MARCHF1: variants seen among roughly 807,000 people sequenced by gnomAD.
MARCHF1 encodes the protein membrane associated ring-CH-type finger 1, also known as E3 ubiquitin-protein ligase MARCHF1.
A neutral mutation model predicts 54.2 loss-of-function variants in MARCHF1; 40 were observed. That is an observed-to-expected ratio of 0.74 (90% CI 0.57 to 0.96). The LOEUF is 0.96. Ranked by LOEUF, MARCHF1 falls within the 40% of genes least tolerant of loss-of-function variation. The pLI, the probability that MARCHF1 is intolerant of heterozygous loss-of-function variation, is 0.00. For synonymous variants in MARCHF1, 236 were observed against 236.3 expected, an observed-to-expected ratio of 1.00 and a Z score of 0.01; for missense variants, 586 against 656.5, an observed-to-expected ratio of 0.89 and a Z score of 1.17.
intron 1 of MARCHF1, among the ~76,000 whole-genome samples, chr4:164,174,067 T>A (rs2110985726): frequency 6.6e-6 from 1 of 152,304 alleles, no homozygotes; most frequent in African/African-American, 2.4e-5. Flanking sequence ...TAGAAAACAC[T>A]AGTCAATACT....
intron 6 of MARCHF1, 36 bp downstream of exon 6, chr4:163,613,278 A>G: frequency 6.4e-7 from 1 of 1,561,752 alleles, no homozygotes; most frequent in Non-Finnish European, 8.7e-7. Context: ...TATTGATCCA[A>G]AGAATATAGA....
intron 3 of MARCHF1, among the ~76,000 whole-genome samples, chr4:163,975,011 T>C (rs761239688): frequency 6.6e-6 from 1 of 152,112 alleles, no homozygotes; most frequent in Non-Finnish European, 1.5e-5. Flanking sequence ...TTTTTATGCC[T>C]TTAGATTAAA....
At chr4:164,032,700 G>T (rs556661052) in intron 2 of MARCHF1, among the ~76,000 whole-genome samples, 1 of 152,132 alleles carries the variant, frequency 6.6e-6, no homozygotes, top group African/African-American at 2.4e-5. Context: ...CTAACAGACC[G>T]TTTTTAGGAT....
At chr4:163,879,579 G>T (rs1396951418) in intron 3 of MARCHF1, among the ~76,000 whole-genome samples, 2 of 152,130 alleles carry the variant, frequency 1.3e-5, no homozygotes, top group African/African-American at 2.4e-5. Context: ...AATAGTTTGT[G>T]TATGTGTGCA....
intron 3 of MARCHF1, among the ~76,000 whole-genome samples, chr4:163,920,618 C>A (rs771611491): frequency 2.0e-5 from 3 of 152,110 alleles, no homozygotes; most frequent in Non-Finnish European, 4.4e-5. Flanking sequence ...AACTCCTGTG[C>A]GCTATGCTCT....
At chr4:164,277,804 T>C (rs1733924438) in intron 1 of MARCHF1, among the ~76,000 whole-genome samples, 1 of 152,248 alleles carries the variant, frequency 6.6e-6, no homozygotes, top group Non-Finnish European at 1.5e-5. Flanking sequence ...TCATCAATTT[T>C]TTCAACATCC....
intron 3 of MARCHF1, among the ~76,000 whole-genome samples, chr4:163,917,555 T>C (rs976497903): frequency 1.3e-5 from 2 of 152,266 alleles, no homozygotes; most frequent in South Asian, 4.2e-4. Context: ...GCCATCTTCT[T>C]TGGTGAGGTG....
At chr4:164,015,602 T>C (rs1753523063) in intron 2 of MARCHF1, among the ~76,000 whole-genome samples, 1 of 151,936 alleles carries the variant, frequency 6.6e-6, no homozygotes, top group Non-Finnish European at 1.5e-5. Flanking sequence ...CTCAAACAAC[T>C]CAATAGCAAA....
At chr4:163,843,418 A>C (rs1749395805) in intron 4 of MARCHF1, among the ~76,000 whole-genome samples, 1 of 152,002 alleles carries the variant, frequency 6.6e-6, no homozygotes, top group Non-Finnish European at 1.5e-5. Context: ...GGTTTGTTTT[A>C]AGTCCTTTGA....
intron 4 of MARCHF1, among the ~76,000 whole-genome samples, chr4:163,783,768 T>G (rs374537786): frequency 2.6e-5 from 4 of 152,272 alleles, no homozygotes; most frequent in Admixed American, 6.5e-5. Context: ...TCTTTAATCT[T>G]TTTTTCTTGC....
At chr4:163,549,457 T>C (rs1447061327) in intron 8 of MARCHF1, among the ~76,000 whole-genome samples, 1 of 152,068 alleles carries the variant, frequency 6.6e-6, no homozygotes, top group Non-Finnish European at 1.5e-5. Context: ...CGACAGCACA[T>C]ACACCACCAT....
intron 4 of MARCHF1, among the ~76,000 whole-genome samples, chr4:163,852,239 G>T (rs1253936115): frequency 6.6e-6 from 1 of 151,618 alleles, no homozygotes; most frequent in East Asian, 1.9e-4. Flanking sequence ...AATTTTCCTG[G>T]GCCATGGTGC....
rs1408311376 is a variant in MARCHF1 at position 163,722,651 on chromosome 4, T to G, written c.112-21788A>C. Among the ~76,000 whole-genome samples the G allele has an allele frequency of 5.3e-5, 8 of 152,220 alleles. No homozygotes were observed. The East Asian group carries it at 1.5e-3, about 29-fold the overall frequency. On this transcript the variant is annotated intron_variant, in intron 4 of 9. Coordinates refer to ENST00000514618, the MANE Select transcript of MARCHF1 (RefSeq NM_001394959.1). ...GGTGTTAAAGTCTCCCATTATTATT[T>G]TGTGGGAGTCTAAATCTCTTTGTAG... is the stretch of plus-strand genomic sequence containing the variant.
At chr4:163,924,217 T>C (rs142857187) in intron 3 of MARCHF1, among the ~76,000 whole-genome samples, 54 of 152,180 alleles carry the variant, frequency 3.5e-4, no homozygotes, top group Admixed American at 7.9e-4. Flanking sequence ...CTTTGCAATT[T>C]CAGAGGAGGA....
In MARCHF1 at chr4:164,271,862, C is replaced by A. The variant is rs1733752919; in HGVS notation, c.-323+112008G>T. Among the ~76,000 whole-genome samples, 3 of 151,828 alleles carry A rather than the reference C, an allele frequency of 2.0e-5. No individual in the cohort carries two copies. The South Asian group carries it at 6.2e-4, about 32-fold the overall frequency. On this transcript the variant is annotated intron_variant, in intron 1 of 9. Coordinates refer to ENST00000514618, the MANE Select transcript of MARCHF1 (RefSeq NM_001394959.1). ...CTATTTGGATGATATCATAAGGTGA[C>A]AAATCATAAACTGTAATACTTGCAA...
intron 4 of MARCHF1, among the ~76,000 whole-genome samples, chr4:163,808,677 T>C (rs1748297195): frequency 6.6e-6 from 1 of 152,122 alleles, no homozygotes; most frequent in African/African-American, 2.4e-5. Context: ...CAAGCCATTC[T>C]CCTGCCTCAG....
chr4:164,036,347 G>T (rs186438894), intron 2 of MARCHF1, among the ~76,000 whole-genome samples: 165 of 152,162 alleles, frequency 1.1e-3, no homozygotes, highest in Middle Eastern at 6.8e-3. Context: ...GATAGAGATT[G>T]AATGACTGAA....
intron 4 of MARCHF1, among the ~76,000 whole-genome samples, chr4:163,830,696 T>C (rs545026617): frequency 2.6e-5 from 4 of 152,192 alleles, no homozygotes; most frequent in African/African-American, 9.6e-5. Context: ...GGAGCATCAC[T>C]TGAGCCAGCG....
chr4:164,348,379 C>T (rs1374303978), intron 1 of MARCHF1, among the ~76,000 whole-genome samples: 1 of 152,132 alleles, frequency 6.6e-6, no homozygotes, highest in African/African-American at 2.4e-5. Context: ...TTTATGAACA[C>T]AATTCTTTCA....
Sources: allele counts gnomAD v4.1 joint callset (sites outside exome capture counted in the v4.1 genomes callset), GRCh38; gene constraint gnomAD v4.1.1; transcripts MANE v1.5; gene names NCBI Gene and HGNC (gene_info 2026-07-23, HGNC 2026-07-21).